ACER3: variants seen among roughly 807,000 people sequenced by gnomAD.
ACER3 encodes alkCDase 3.
A neutral mutation model predicts 48.9 loss-of-function variants in ACER3; 16 were observed. The ratio of observed to expected loss-of-function variants is 0.33; its 90% CI spans 0.22 to 0.50. The LOEUF (loss-of-function observed/expected upper bound fraction) is 0.50, where lower values mean the gene tolerates loss of function less well. Ranked by LOEUF, ACER3 falls within the 20% of genes least tolerant of loss-of-function variation. ACER3 has a pLI of 0.98. For missense variants in ACER3, 227 were observed against 326.0 expected, an observed-to-expected ratio of 0.70 and a Z score of 2.34; for synonymous variants, 109 against 107.8, an observed-to-expected ratio of 1.01 and a Z score of -0.07.
intron 7 of ACER3, chr11:77,011,277 C>G (rs1158061506): frequency 1.0e-6 from 1 of 961,636 alleles, no homozygotes; most frequent in Non-Finnish European, 1.2e-6. Flanking sequence ...TTCTTGCTCT[C>G]CCCTTCCCGC....
At chr11:76,980,010 T>C (rs1237249771) in intron 4 of ACER3, among the ~76,000 whole-genome samples, 1 of 151,932 alleles carries the variant, frequency 6.6e-6, no homozygotes, top group Non-Finnish European at 1.5e-5. Flanking sequence ...TGGTAGTGCA[T>C]GCCTGTAATT....
chr11:77,023,397 T>C lies in ACER3; in HGVS notation c.*3070T>C. 2.7e-6 allele frequency: 1 copy of C among 371,634 alleles called. No individual in the cohort carries two copies. The allele number at this position is 371,634 out of a possible 1,614,324, so 23.0% of individuals were successfully genotyped here. On this transcript the variant is annotated 3_prime_UTR_variant, in exon 11 of 11. Transcript: ENST00000532485. Reference sequence around the variant, plus strand: ...TAATGCATGAAAATCTTTAAATGCCTGCAAAAATTAAGTTCTGTTATAATA... The same window carrying C: ...TAATGCATGAAAATCTTTAAATGCCCGCAAAAATTAAGTTCTGTTATAATA...
At chr11:76,868,387 CTCTCTGTGTGTGTGTGTGTGTG>C (rs1291271531) in intron 1 of ACER3, 14 of 416,314 alleles carry the variant, frequency 3.4e-5, no homozygotes, top group Non-Finnish European at 4.7e-5. Flanking sequence ...CTCTCTCTCT[CTCTCTGTGTGTGTGTGTGTGTG>C]TGTGTGTGTG....
At chr11:76,957,534 C>CTT in intron 2 of ACER3, 1 of 443,430 alleles carries the variant, frequency 2.3e-6, no homozygotes, top group Admixed American at 2.4e-5. Flanking sequence ...ACCTCCATTT[C>CTT]CCAGGTTTAC....
At chr11:76,885,193 C>G (rs185420323) in intron 1 of ACER3, among the ~76,000 whole-genome samples, 3 of 152,162 alleles carry the variant, frequency 2.0e-5, no homozygotes, top group Non-Finnish European at 4.4e-5. Context: ...GTACTATATG[C>G]TAGGCACTTA....
intron 1 of ACER3, among the ~76,000 whole-genome samples, chr11:76,883,334 A>G (rs1444485622): frequency 4.0e-5 from 6 of 150,386 alleles, no homozygotes; most frequent in Admixed American, 6.6e-5. Flanking sequence ...CATTATGTCC[A>G]TGTTTTCTTT....
chr11:76,928,426 A>ATGAT (rs1353772935), intron 2 of ACER3, among the ~76,000 whole-genome samples: 1 of 152,106 alleles, frequency 6.6e-6, no homozygotes, highest in African/African-American at 2.4e-5. Context: ...GTTCACTCTG[A>ATGAT]TGATAGTTTC....
chr11:76,946,547 G>T (rs1333210753), intron 2 of ACER3, among the ~76,000 whole-genome samples: 1 of 152,190 alleles, frequency 6.6e-6, no homozygotes, highest in Non-Finnish European at 1.5e-5. Context: ...CTAGGGTGGG[G>T]ACTAGGTAGG....
intron 6 of ACER3, chr11:76,994,136 C>CTT (rs56841188): frequency 2.5e-4 from 100 of 403,172 alleles, no homozygotes; most frequent in South Asian, 5.7e-4. Context: ...ATTAAACTTT[C>CTT]TTTTTTTTTT....
Position 77,026,431 on chromosome 11 carries a change from A to G in ACER3, c.*6104A>G, listed in dbSNP as rs1949550674. Reference sequence around the variant, plus strand: ...TTTTTGCTTAATGGACTCATGTGGCATTGTTCACTATCATGCCTTTCCATA... The same window carrying G: ...TTTTTGCTTAATGGACTCATGTGGCGTTGTTCACTATCATGCCTTTCCATA... On this transcript the variant is annotated 3_prime_UTR_variant, in exon 11 of 11. Transcript: ENST00000532485. 1 of 152,202 alleles carries G rather than the reference A, an allele frequency of 6.6e-6. No homozygotes were observed. Among genetic ancestry groups the G allele is most frequent in the Non-Finnish European group, 1.5e-5 (1 of 68,040 alleles). The allele number at this position is 152,202 out of a possible 1,614,324, so 9.4% of individuals were successfully genotyped here.
intron 1 of ACER3, among the ~76,000 whole-genome samples, chr11:76,925,776 G>GT (rs1946814156): frequency 6.6e-6 from 1 of 152,036 alleles, no homozygotes; most frequent in Non-Finnish European, 1.5e-5. Flanking sequence ...GTTTGAAAAT[G>GT]TTTTCTTCTA....
At chr11:77,012,954 A>C (rs782057553) in intron 7 of ACER3, among the ~76,000 whole-genome samples, 28 of 152,232 alleles carry the variant, frequency 1.8e-4, no homozygotes, top group Non-Finnish European at 3.4e-4. Context: ...ACATCCAAAA[A>C]TAGACCCACA....
At chr11:76,887,399 C>T (rs1046079320) in intron 1 of ACER3, among the ~76,000 whole-genome samples, 1 of 152,086 alleles carries the variant, frequency 6.6e-6, no homozygotes, top group Non-Finnish European at 1.5e-5. Flanking sequence ...AAGGAGAACT[C>T]AAAGAGAGAC....
chr11:76,870,477 T>C (rs1382373077), intron 1 of ACER3, among the ~76,000 whole-genome samples: 1 of 152,152 alleles, frequency 6.6e-6, no homozygotes, highest in Non-Finnish European at 1.5e-5. Flanking sequence ...CTTGGGTTGC[T>C]TCTACTTGGC....
chr11:76,930,796 A>G (rs892027456), intron 2 of ACER3, among the ~76,000 whole-genome samples: 6 of 151,870 alleles, frequency 4.0e-5, no homozygotes, highest in Admixed American at 6.6e-5. Context: ...TCTTAATCCT[A>G]AGTTCTAGTT....
At chr11:76,896,680 T>C (rs1209297123) in intron 1 of ACER3, among the ~76,000 whole-genome samples, 1 of 152,198 alleles carries the variant, frequency 6.6e-6, no homozygotes, top group Non-Finnish European at 1.5e-5. Context: ...GTGATAGACT[T>C]TGAGATGTAT....
rs1224771206 is a variant in ACER3 at position 77,025,850 on chromosome 11, G to A, written c.*5523G>A. ...TGTCAGCAAGTGGTACAGTGGTACAGTACAGTGGTACTGCCCAACTGCACT... is the reference window on the plus strand; with the variant it reads ...TGTCAGCAAGTGGTACAGTGGTACAATACAGTGGTACTGCCCAACTGCACT... On this transcript the variant is annotated 3_prime_UTR_variant, in exon 11 of 11. Transcript: ENST00000532485. The A allele has an allele frequency of 6.6e-6, 1 of 152,216 alleles. No homozygotes were observed. Among genetic ancestry groups the A allele is most frequent in the African/African-American group, 2.4e-5 (1 of 41,462 alleles). 9.4% of individuals were successfully genotyped at this position (152,216 alleles called of 1,614,324 possible). A position where few individuals can be genotyped will look rare whatever the true frequency, so the allele number is the denominator to read the frequency against.
At chr11:76,894,273 T>A (rs980922121) in intron 1 of ACER3, among the ~76,000 whole-genome samples, 2 of 152,194 alleles carry the variant, frequency 1.3e-5, no homozygotes, top group Non-Finnish European at 2.9e-5. Context: ...AGCTAGACCC[T>A]GTCTCAAAAA....
In ACER3 at chr11:77,020,720, C is replaced by G. The variant is rs1555024296; in HGVS notation, c.*393C>G. Reference sequence around the variant, plus strand: ...TTTCTTAATATTTGATTAAATAATGCAGTCAGCTAAGAGCCAACAAAACCC... The same window carrying G: ...TTTCTTAATATTTGATTAAATAATGGAGTCAGCTAAGAGCCAACAAAACCC... On this transcript the variant is annotated 3_prime_UTR_variant, in exon 11 of 11. Coordinates refer to ENST00000532485, the MANE Select transcript of ACER3 (RefSeq NM_018367.7). 5.8e-6 allele frequency: 1 copy of G among 172,992 alleles called. No individual in the cohort carries two copies. The highest frequency in any genetic ancestry group is 2.4e-5 in the African/African-American group (1 of 41,708). The allele number at this position is 172,992 out of a possible 1,614,324, so 10.7% of individuals were successfully genotyped here.
Sources: gnomAD v4.1 joint callset for allele counts (sites outside exome capture counted in the v4.1 genomes callset) on GRCh38, gnomAD v4.1.1 for gene constraint, MANE v1.5 for transcripts, NCBI Gene and HGNC (gene_info 2026-07-23, HGNC 2026-07-21) for gene names.